Variants in AGBL1 observed in about 807,000 individuals in gnomAD.
AGBL1 encodes the protein cytosolic carboxypeptidase 4.
In AGBL1, 130 loss-of-function variants were observed where a neutral mutation model predicts 118.9. The observed-to-expected ratio is 1.09, with a 90% CI of 0.95 to 1.26. The LOEUF (loss-of-function observed/expected upper bound fraction) is 1.26. AGBL1 is among the 50% of genes most tolerant of loss of function. The probability of loss-of-function intolerance (pLI) is 0.00; values close to 1 mark genes in which losing one functional copy is unlikely to be tolerated. For synonymous variants in AGBL1, 555 were observed against 478.9 expected, an observed-to-expected ratio of 1.16 and a Z score of -2.08; for missense variants, 1,584 against 1,298.1, an observed-to-expected ratio of 1.22 and a Z score of -3.38.
chr15:86,902,740 G>T (rs917328479), intron 22 of AGBL1, among the ~76,000 whole-genome samples: 7 of 151,942 alleles, frequency 4.6e-5, no homozygotes, highest in Non-Finnish European at 5.9e-5. Context: ...TTTTCTTCTG[G>T]CCTCTATGGT....
At chr15:86,091,121 G>A (rs1459213742) in intron 1 of AGBL1, among the ~76,000 whole-genome samples, 1 of 152,116 alleles carries the variant, frequency 6.6e-6, no homozygotes, top group Non-Finnish European at 1.5e-5. Flanking sequence ...CATCTTCTCT[G>A]TCTTGACATC....
intron 22 of AGBL1, among the ~76,000 whole-genome samples, chr15:86,756,241 C>G (rs2077938701): frequency 6.6e-6 from 1 of 151,232 alleles, no homozygotes; most frequent in Non-Finnish European, 1.5e-5. Flanking sequence ...AGTGCCCCCG[C>G]CCCCACCAAA....
At chr15:86,944,692 T>A (rs2080795707) in intron 23 of AGBL1, among the ~76,000 whole-genome samples, 2 of 152,210 alleles carry the variant, frequency 1.3e-5, no homozygotes, top group Non-Finnish European at 2.9e-5. Context: ...ATTCATGAAA[T>A]CTGCAAATTT....
intron 17 of AGBL1, among the ~76,000 whole-genome samples, chr15:86,345,182 A>C (rs1391359574): frequency 1.3e-5 from 2 of 151,898 alleles, no homozygotes; most frequent in African/African-American, 2.4e-5. Flanking sequence ...TGCAGGAAAC[A>C]TGCGTTTAGG....
At chr15:86,824,795 C>G (rs2078985046) in intron 22 of AGBL1, among the ~76,000 whole-genome samples, 1 of 152,036 alleles carries the variant, frequency 6.6e-6, no homozygotes. Flanking sequence ...TGGTGCCTTA[C>G]ACCTAAAATC....
intron 22 of AGBL1, among the ~76,000 whole-genome samples, chr15:86,700,350 C>A (rs1269379626): frequency 2.6e-5 from 4 of 151,898 alleles, no homozygotes; most frequent in African/African-American, 9.7e-5. Context: ...TCATCTTGTA[C>A]ATTCCCCAAT....
chr15:86,484,001 C>G (rs1337455725), intron 18 of AGBL1, among the ~76,000 whole-genome samples: 1 of 152,042 alleles, frequency 6.6e-6, no homozygotes, highest in Non-Finnish European at 1.5e-5. Context: ...AGGACATTTC[C>G]AATCAGGTTA....
chr15:86,772,021 T>C (rs1293611805), intron 22 of AGBL1, among the ~76,000 whole-genome samples: 1 of 151,942 alleles, frequency 6.6e-6, no homozygotes, highest in South Asian at 2.1e-4. Flanking sequence ...GGGGCACTTA[T>C]GAAAAACAAG....
Position 86,286,735 on chromosome 15 carries a change from G to GTGTATATATATATATATATATA in AGBL1, c.2220+6953_2220+6954insGTATATATATATATATATATAT. On this transcript the variant is annotated intron_variant, in intron 16 of 22. Coordinates refer to ENST00000614907, the MANE Select transcript of AGBL1 (RefSeq NM_001386094.1). Reference sequence around the variant, plus strand: ...TATATGTGTGTGTGTGTTTGTGTGTGTATATATATATATAAAACTCCATCA... The same window carrying GTGTATATATATATATATATATA: ...TATATGTGTGTGTGTGTTTGTGTGTGTGTATATATATATATATATATATATATATATATATAAAACTCCATCA... Among the ~76,000 whole-genome samples the GTGTATATATATATATATATATA allele has an allele frequency of 4.7e-3, 504 of 106,276 alleles. 38 individuals carry two copies. Among genetic ancestry groups the GTGTATATATATATATATATATA allele is most frequent in the Middle Eastern group, 0.016 (3 of 192 alleles). 69.7% of individuals were successfully genotyped at this position (106,276 alleles called of 152,430 possible). A position where few individuals can be genotyped will look rare whatever the true frequency, so the allele number is the denominator to read the frequency against.
chr15:86,348,444 C>T (rs1301029069), intron 17 of AGBL1, among the ~76,000 whole-genome samples: 1 of 152,150 alleles, frequency 6.6e-6, no homozygotes, highest in Non-Finnish European at 1.5e-5. Context: ...AGACTTTTGG[C>T]AATGTCTGGA....
intron 23 of AGBL1, among the ~76,000 whole-genome samples, chr15:86,964,816 A>G (rs541992651): frequency 1.4e-3 from 211 of 151,192 alleles, no homozygotes; most frequent in African/African-American, 4.7e-3. Flanking sequence ...GGTGTGTAAC[A>G]TTGCCCTCCC....
intron 22 of AGBL1, among the ~76,000 whole-genome samples, chr15:86,687,128 T>G (rs768007184): frequency 5.9e-5 from 9 of 152,156 alleles, no homozygotes; most frequent in Non-Finnish European, 8.8e-5. Flanking sequence ...AGAGGTTTAT[T>G]AAGGCATTGA....
chr15:86,376,216 A>G (rs2081039480), intron 17 of AGBL1, among the ~76,000 whole-genome samples: 2 of 152,212 alleles, frequency 1.3e-5, no homozygotes, highest in African/African-American at 4.8e-5. Context: ...ATTGTCAGCT[A>G]GATGAGAAGA....
At chr15:86,916,768 G>T (rs1351727240), downstream of AGBL1, among the ~76,000 whole-genome samples, 1 of 152,166 alleles carries the variant, frequency 6.6e-6, no homozygotes, top group Non-Finnish European at 1.5e-5. Flanking sequence ...GGCGGGGCCT[G>T]CAGAGAACAC....
Position 86,256,880 on chromosome 15 carries a change from C to G in AGBL1, c.763C>G (p.Pro255Ala). The G allele has an allele frequency of 2.5e-6, 4 of 1,613,846 alleles. No homozygotes were observed. Among genetic ancestry groups the G allele is most frequent in the Non-Finnish European group, 3.4e-6 (4 of 1,179,866 alleles). ...CTGCCTGGATGACAAGAGCATGGAG[C>G]CCGTCATCTCTGTGGTGCTTCAGAT... ...QNCLDDKSME[P>A]VISVVLQILR... The change falls in exon 8 of 23, where the codon CCC becomes GCC. Residue 255 changes from proline (P) to alanine (A), a missense_variant. Pro to Ala is a conservative substitution (Grantham distance 27). Transcript: ENST00000614907.
At chr15:86,966,700 C>T (rs1326488509) in intron 23 of AGBL1, among the ~76,000 whole-genome samples, 1 of 151,998 alleles carries the variant, frequency 6.6e-6, no homozygotes, top group African/African-American at 2.4e-5. Flanking sequence ...GTATATGTGC[C>T]ATATTTTCTT....
rs535034270 is a variant in AGBL1 at position 86,906,764 on chromosome 15, G to C, written c.3159-323G>C. On this transcript the variant is annotated intron_variant, in intron 22 of 22. Transcript: ENST00000614907. Reference sequence around the variant, plus strand: ...CTGATTGGAAATAGGGCTAAGAAATGTATACTCTGCTGGCAAAGGAAGAAA... The same window carrying C: ...CTGATTGGAAATAGGGCTAAGAAATCTATACTCTGCTGGCAAAGGAAGAAA... 2.6e-5 allele frequency among the ~76,000 whole-genome samples: 4 copies of C among 152,194 alleles called. No homozygotes were observed. The South Asian group carries it at 8.3e-4, about 32-fold the overall frequency.
At chr15:86,214,142 G>T (rs1171545911) in intron 5 of AGBL1, among the ~76,000 whole-genome samples, 4 of 152,204 alleles carry the variant, frequency 2.6e-5, no homozygotes, top group Admixed American at 1.3e-4. Context: ...TAACAGTCAG[G>T]TTTGTCTTCA....
At chr15:86,932,366 T>G (rs1448298377) in intron 23 of AGBL1, among the ~76,000 whole-genome samples, 1 of 152,250 alleles carries the variant, frequency 6.6e-6, no homozygotes, top group African/African-American at 2.4e-5. Context: ...CAGGCATTAC[T>G]CAAGTCATTT....
Sources: allele counts gnomAD v4.1 joint callset (sites outside exome capture counted in the v4.1 genomes callset), GRCh38; gene constraint gnomAD v4.1.1; transcripts MANE v1.5; gene names NCBI Gene and HGNC (gene_info 2026-07-23, HGNC 2026-07-21).